MRTFA: variants seen among roughly 807,000 people sequenced by gnomAD.
MRTFA encodes the protein myocardin related transcription factor A, also known as myocardin-related transcription factor A.
Under a neutral mutation model 83.5 loss-of-function variants are expected in MRTFA, and 20 were observed. The observed-to-expected ratio is 0.24, with a 90% CI of 0.17 to 0.35. The LOEUF (loss-of-function observed/expected upper bound fraction) is 0.35. Ranked by LOEUF, MRTFA falls within the 10% of genes least tolerant of loss-of-function variation. The probability of loss-of-function intolerance (pLI) is 1.00; values close to 1 mark genes in which losing one functional copy is unlikely to be tolerated. For missense variants in MRTFA, 1,200 were observed against 1,224.7 expected (o/e 0.98, Z 0.30); for synonymous variants, 659 against 541.2 (o/e 1.22, Z -3.02).
chr22:40,590,733 T>C (rs2056108083), intron 2 of MRTFA, among the ~76,000 whole-genome samples: 1 of 151,848 alleles, frequency 6.6e-6, no homozygotes, highest in Admixed American at 6.6e-5. Context: ...TCACATCTTT[T>C]ACTGAGTATC....
At chr22:40,550,731 A>G (rs981639970) in intron 3 of MRTFA, among the ~76,000 whole-genome samples, 3 of 152,236 alleles carry the variant, frequency 2.0e-5, no homozygotes, top group Non-Finnish European at 4.4e-5. Context: ...TGGCAATGAA[A>G]TACCAAATTC....
intron 1 of MRTFA, among the ~76,000 whole-genome samples, chr22:40,597,899 G>A (rs1156327422): frequency 1.3e-5 from 2 of 152,184 alleles, no homozygotes; most frequent in Non-Finnish European, 2.9e-5. Flanking sequence ...TAATGTGCTA[G>A]TTTGTCCACA....
At chr22:40,437,525 G>C (rs962691621) in intron 4 of MRTFA, among the ~76,000 whole-genome samples, 4 of 152,140 alleles carry the variant, frequency 2.6e-5, no homozygotes, top group Non-Finnish European at 5.9e-5. Context: ...ACTTTGGGAA[G>C]CCGAGGTGGG....
chr22:40,410,965 C>G lies in MRTFA; in HGVS notation c.*425G>C. The G allele has an allele frequency of 4.2e-6, 1 of 237,756 alleles. No individual in the cohort carries two copies. Among genetic ancestry groups the G allele is most frequent in the Non-Finnish European group, 8.2e-6 (1 of 121,484 alleles). The allele number at this position is 237,756 out of a possible 1,614,324, so 14.7% of individuals were successfully genotyped here. A position where few individuals can be genotyped will look rare whatever the true frequency, so the allele number is the denominator to read the frequency against. ...GGTAGAGGCCCAGGCTAATTTCTCC[C>G]TTCACAGCAAAGCAGGGAGAGAAAG... is the stretch of plus-strand genomic sequence containing the variant. On this transcript the variant is annotated 3_prime_UTR_variant, in exon 15 of 15. Coordinates refer to ENST00000355630, the MANE Select transcript of MRTFA (RefSeq NM_020831.6).
intron 1 of MRTFA, among the ~76,000 whole-genome samples, chr22:40,614,533 A>G (rs900906381): frequency 6.6e-5 from 10 of 152,256 alleles, no homozygotes; most frequent in African/African-American, 2.4e-4. Context: ...TCGTTACCAG[A>G]CTGGAGTGCA....
At chr22:40,574,908 G>C (rs2055847140) in intron 2 of MRTFA, among the ~76,000 whole-genome samples, 1 of 152,192 alleles carries the variant, frequency 6.6e-6, no homozygotes, top group African/African-American at 2.4e-5. Flanking sequence ...CTACAGTTGT[G>C]AACTTGTGAT....
At chr22:40,609,387 G>A (rs57108648) in intron 1 of MRTFA, among the ~76,000 whole-genome samples, 3,602 of 151,258 alleles carry the variant, frequency 0.024, 156 homozygotes, top group African/African-American at 0.084. Flanking sequence ...AAGCTCAGGC[G>A]GGAGGATCAC....
At chr22:40,476,851 T>C (rs1031936463) in intron 3 of MRTFA, among the ~76,000 whole-genome samples, 1 of 152,058 alleles carries the variant, frequency 6.6e-6, no homozygotes. Flanking sequence ...GCCAAAAACA[T>C]CTCTCTGGCT....
At chr22:40,532,731 G>T (rs1227933398) in intron 3 of MRTFA, among the ~76,000 whole-genome samples, 1 of 152,130 alleles carries the variant, frequency 6.6e-6, no homozygotes, top group East Asian at 1.9e-4. Context: ...GACCAATTCT[G>T]CCAGAGACAG....
chr22:40,594,049 G>A (rs1231227786), intron 2 of MRTFA, among the ~76,000 whole-genome samples: 1 of 152,216 alleles, frequency 6.6e-6, no homozygotes, highest in South Asian at 2.1e-4. Flanking sequence ...CCTGACATAA[G>A]ACAGATACAT....
At chr22:40,546,419 C>T (rs887232231) in intron 3 of MRTFA, among the ~76,000 whole-genome samples, 1 of 152,116 alleles carries the variant, frequency 6.6e-6, no homozygotes, top group African/African-American at 2.4e-5. Flanking sequence ...AAAGGTAAGT[C>T]GTAGATATCC....
At chr22:40,598,994 A>T (rs141597790) in intron 1 of MRTFA, among the ~76,000 whole-genome samples, 1 of 135,930 alleles carries the variant, frequency 7.4e-6, no homozygotes, top group Non-Finnish European at 1.6e-5. Context: ...GGGAAACTCC[A>T]TCTAAAAAAA....
intron 2 of MRTFA, among the ~76,000 whole-genome samples, chr22:40,572,982 T>A (rs2055817666): frequency 6.6e-6 from 1 of 152,180 alleles, no homozygotes; most frequent in Non-Finnish European, 1.5e-5. Flanking sequence ...GGATGAGCCC[T>A]GAAAGCACTA....
At chr22:40,426,057 G>C (rs2052946878) in intron 7 of MRTFA, among the ~76,000 whole-genome samples, 1 of 152,194 alleles carries the variant, frequency 6.6e-6, no homozygotes, top group Non-Finnish European at 1.5e-5. Flanking sequence ...TGGAGGACAG[G>C]ACTTAAAGTG....
At chr22:40,609,482 C>CAAAAAAAAAAAAAA (rs148106089) in intron 1 of MRTFA, among the ~76,000 whole-genome samples, 1 of 69,720 alleles carries the variant, frequency 1.4e-5, no homozygotes, top group African/African-American at 6.8e-5. Flanking sequence ...GTCTCTTTAA[C>CAAAAAAAAAAAAAA]AAAAAAAAAA....
chr22:40,471,361 C>T (rs1166147872), intron 3 of MRTFA, among the ~76,000 whole-genome samples: 1 of 151,786 alleles, frequency 6.6e-6, no homozygotes, highest in Non-Finnish European at 1.5e-5. Flanking sequence ...CGAGATCATG[C>T]CACTGCACTC....
At chr22:40,425,882 C>A (rs892127447) in intron 7 of MRTFA, among the ~76,000 whole-genome samples, 4 of 152,154 alleles carry the variant, frequency 2.6e-5, no homozygotes, top group South Asian at 2.1e-4. Context: ...AGGGTCACTA[C>A]AGACTATTTC....
intron 1 of MRTFA, among the ~76,000 whole-genome samples, chr22:40,606,172 GA>G (rs971450805): frequency 1.4e-4 from 20 of 143,190 alleles, no homozygotes; most frequent in South Asian, 2.3e-4. Context: ...AATTCTCTCT[GA>G]AAAAAAAAAA....
chr22:40,523,911 C>G (rs2054915005), intron 3 of MRTFA, among the ~76,000 whole-genome samples: 1 of 151,980 alleles, frequency 6.6e-6, no homozygotes, highest in African/African-American at 2.4e-5. Context: ...AGAGAATATA[C>G]TAAGAAAACA....
Sources: gnomAD v4.1 joint callset for allele counts (sites outside exome capture counted in the v4.1 genomes callset) on GRCh38, gnomAD v4.1.1 for gene constraint, MANE v1.5 for transcripts, NCBI Gene and HGNC (gene_info 2026-07-23, HGNC 2026-07-21) for gene names.